The following ATP2A2 variants were observed in gnomAD, a reference collection of about 807,000 sequenced individuals.
ATP2A2 encodes the protein sarcoplasmic/endoplasmic reticulum calcium ATPase 2.
ATP2A2 carries 14 observed loss-of-function variants against 109.3 expected under a neutral mutation model. The observed-to-expected ratio is 0.13, with a 90% CI of 0.08 to 0.20. The LOEUF is 0.20. Ranked by LOEUF, ATP2A2 falls within the 10% of genes least tolerant of loss-of-function variation. The pLI, the probability that ATP2A2 is intolerant of heterozygous loss-of-function variation, is 1.00. For missense variants in ATP2A2, 657 were observed against 1,321.6 expected (o/e 0.50, Z 7.80); for synonymous variants, 506 against 490.9 (o/e 1.03, Z -0.41).
At chr12:110,341,999 A>G (rs1320250037) in intron 14 of ATP2A2, among the ~76,000 whole-genome samples, 1 of 152,218 alleles carries the variant, frequency 6.6e-6, no homozygotes, top group Non-Finnish European at 1.5e-5. Context: ...ATACAGATAA[A>G]TTTGAAGTCC....
chr12:110,294,534 G>A (rs1207763295), intron 4 of ATP2A2, among the ~76,000 whole-genome samples: 2 of 151,848 alleles, frequency 1.3e-5, no homozygotes, highest in African/African-American at 2.4e-5. Flanking sequence ...GGTAGCATGC[G>A]CCCCCAGCTA....
At chr12:110,309,617 C>T (rs911891711) in intron 5 of ATP2A2, among the ~76,000 whole-genome samples, 3 of 152,078 alleles carry the variant, frequency 2.0e-5, no homozygotes, top group Non-Finnish European at 2.9e-5. Context: ...ATAACCCGCA[C>T]ATAGGCTGTG....
intron 5 of ATP2A2, among the ~76,000 whole-genome samples, chr12:110,301,228 C>G (rs561282556): frequency 4.6e-5 from 7 of 152,212 alleles, no homozygotes; most frequent in African/African-American, 1.4e-4. Flanking sequence ...ACCCCCAAAG[C>G]CTTTATCCTT....
intron 5 of ATP2A2, among the ~76,000 whole-genome samples, chr12:110,302,584 CTATTATTAT>C (rs10568177): frequency 4.0e-4 from 59 of 146,506 alleles, no homozygotes; most frequent in African/African-American, 1.2e-3. Context: ...ATTTTTATTA[CTATTATTAT>C]TATTATTATT....
chr12:110,312,863 AAAG>A (rs1428397606), intron 5 of ATP2A2, among the ~76,000 whole-genome samples: 3 of 151,906 alleles, frequency 2.0e-5, no homozygotes, highest in Admixed American at 6.6e-5. Context: ...AAAAAAAAAA[AAAG>A]AAAACAAAAC....
chr12:110,310,750 C>G (rs760677383), intron 5 of ATP2A2, among the ~76,000 whole-genome samples: 21 of 152,130 alleles, frequency 1.4e-4, no homozygotes, highest in Non-Finnish European at 2.6e-4. Flanking sequence ...CCAGCAATTT[C>G]AAGATTTACT....
Position 110,347,638 on chromosome 12 carries a change from C to CTATT in ATP2A2, c.*1170_*1173dup. ...GACCAAATGAACATATTGTATAGAA[C>CTATT]TATTTTTATTTGAATGTGGCACTAA... On this transcript the variant is annotated 3_prime_UTR_variant, in exon 20 of 20. Transcript: ENST00000539276. 8.4e-7 allele frequency: 1 copy of CTATT among 1,185,114 alleles called. No individual in the cohort carries two copies. The highest frequency in any genetic ancestry group is 1.1e-6 in the Non-Finnish European group (1 of 939,140). The allele number at this position is 1,185,114 out of a possible 1,614,324, so 73.4% of individuals were successfully genotyped here.
chr12:110,310,414 C>A (rs1048539861), intron 5 of ATP2A2, among the ~76,000 whole-genome samples: 2 of 152,178 alleles, frequency 1.3e-5, no homozygotes, highest in Non-Finnish European at 2.9e-5. Context: ...GCATGAGCCA[C>A]CATTCCCAGC....
At chr12:110,293,675 C>T (rs1052330301) in intron 4 of ATP2A2, among the ~76,000 whole-genome samples, 13 of 150,686 alleles carry the variant, frequency 8.6e-5, no homozygotes, top group Admixed American at 5.3e-4. Flanking sequence ...GGATTACATG[C>T]GTGAGCCACC....
intron 4 of ATP2A2, chr12:110,296,321 GCT>G: frequency 2.4e-6 from 1 of 419,852 alleles, no homozygotes; most frequent in Non-Finnish European, 4.4e-6. Context: ...AAAGGTGAAA[GCT>G]GTGTTTTACA....
intron 8 of ATP2A2, among the ~76,000 whole-genome samples, chr12:110,328,741 T>A (rs1268307210): frequency 6.8e-6 from 1 of 146,798 alleles, no homozygotes; most frequent in Non-Finnish European, 1.5e-5. Context: ...AGTTTTTTTA[T>A]TTTTTTTTGT....
At chr12:110,303,396 T>A (rs1409803883) in intron 5 of ATP2A2, among the ~76,000 whole-genome samples, 1 of 151,934 alleles carries the variant, frequency 6.6e-6, no homozygotes, top group African/African-American at 2.4e-5. Flanking sequence ...CCTGGCTTGC[T>A]TGCTTTTTTG....
chr12:110,350,314 T>G lies in ATP2A2; in HGVS notation c.*3844T>G. 1 of 1,614,226 alleles carries G rather than the reference T, an allele frequency of 6.2e-7. No homozygotes were observed. Among genetic ancestry groups the G allele is most frequent in the Non-Finnish European group, 8.5e-7 (1 of 1,180,042 alleles). On this transcript the variant is annotated 3_prime_UTR_variant, in exon 20 of 20. Coordinates refer to ENST00000539276, the MANE Select transcript of ATP2A2 (RefSeq NM_170665.4). ...CAGCAATACTGGAGTAACCGCTTCC[T>G]AAACCATTTTGCAGAAATGTAAGGG...
chr12:110,292,877 T>A (rs1347748140), intron 4 of ATP2A2, among the ~76,000 whole-genome samples: 1 of 152,222 alleles, frequency 6.6e-6, no homozygotes, highest in Non-Finnish European at 1.5e-5. Flanking sequence ...CCATTATCTT[T>A]ATGTCTCCTA....
Position 110,339,183 on chromosome 12 carries a change from TC to T in ATP2A2, c.1420-96del. On this transcript the variant is annotated intron_variant, in intron 11 of 19. Coordinates refer to ENST00000539276, the MANE Select transcript of ATP2A2 (RefSeq NM_170665.4). The surrounding 1 kb of genome is among the most constrained non-coding windows in gnomAD (Gnocchi z 4.4). ...CTGTCTGTTTTGTTTATTGCTATAT[TC>T]CTAGCATCTGTCATGTAATAGGTGT... 6.6e-7 allele frequency: 1 copy of T among 1,510,206 alleles called. No individual in the cohort carries two copies. The highest frequency in any genetic ancestry group is 1.7e-5 in the Admixed American group (1 of 59,700). 93.6% of individuals were successfully genotyped at this position (1,510,206 alleles called of 1,614,324 possible).
chr12:110,336,297 G>T (rs1878838404), intron 11 of ATP2A2, among the ~76,000 whole-genome samples: 1 of 152,152 alleles, frequency 6.6e-6, no homozygotes, highest in Admixed American at 6.5e-5. Flanking sequence ...GGAGGAGAGA[G>T]GTAAAACTCA....
intron 18 of ATP2A2, 50 bp from the exon 19 acceptor site, chr12:110,345,951 C>A: frequency 6.4e-7 from 1 of 1,568,886 alleles, no homozygotes; most frequent in Non-Finnish European, 8.8e-7. Flanking sequence ...GCCACTGTGA[C>A]ACGTGCCTTG....
chr12:110,312,743 G>T (rs866607601), intron 5 of ATP2A2, among the ~76,000 whole-genome samples: 1 of 151,504 alleles, frequency 6.6e-6, no homozygotes, highest in African/African-American at 2.4e-5. Flanking sequence ...CTAGCTACTT[G>T]GGTGGCTGAG....
intron 5 of ATP2A2, among the ~76,000 whole-genome samples, chr12:110,301,209 A>G (rs983764555): frequency 6.6e-6 from 1 of 152,142 alleles, no homozygotes; most frequent in African/African-American, 2.4e-5. Context: ...TTGAAGCCTT[A>G]GAGAAATTAC....
Sources: allele counts gnomAD v4.1 joint callset (sites outside exome capture counted in the v4.1 genomes callset), GRCh38; gene constraint gnomAD v4.1.1; non-coding constraint Gnocchi (gnomAD v3.1); transcripts MANE v1.5; gene names NCBI Gene and HGNC (gene_info 2026-07-23, HGNC 2026-07-21).